The following LARGE1 variants were observed in gnomAD, a reference collection of about 807,000 sequenced individuals.
LARGE1 encodes LARGE xylosyl- and glucuronyltransferase 1.
A neutral mutation model predicts 87.6 loss-of-function variants in LARGE1; 43 were observed. That is an observed-to-expected ratio of 0.49 (90% CI 0.38 to 0.63). The LOEUF (loss-of-function observed/expected upper bound fraction) is 0.63. Ranked by LOEUF, LARGE1 falls within the 30% of genes least tolerant of loss-of-function variation. The pLI, the probability that LARGE1 is intolerant of heterozygous loss-of-function variation, is 0.00. For missense variants in LARGE1, 802 were observed against 1,000.2 expected (o/e 0.80, Z 2.67); for synonymous variants, 434 against 394.6 (o/e 1.10, Z -1.18).
intron 11 of LARGE1, among the ~76,000 whole-genome samples, chr22:33,196,776 G>A (rs765194030): frequency 6.6e-5 from 10 of 151,890 alleles, no homozygotes; most frequent in Non-Finnish European, 1.3e-4. Flanking sequence ...GAAAGAAGAA[G>A]AGGAGGAAAA....
intron 6 of LARGE1, among the ~76,000 whole-genome samples, chr22:33,551,857 G>A (rs2077529691): frequency 6.6e-6 from 1 of 152,062 alleles, no homozygotes; most frequent in Admixed American, 6.6e-5. Context: ...AGCCGGGCGT[G>A]ATGATGGGCG....
At chr22:33,067,989 A>G in the LARGE1 span, among the ~76,000 whole-genome samples, 2 of 152,034 alleles carry the variant, frequency 1.3e-5, no homozygotes, top group Admixed American at 6.6e-5. Flanking sequence ...AAAAAAAAAA[A>G]GACTTTTCTG....
At chr22:33,135,556 C>T in the LARGE1 span, among the ~76,000 whole-genome samples, 5 of 152,226 alleles carry the variant, frequency 3.3e-5, no homozygotes, top group South Asian at 4.2e-4. Flanking sequence ...AAGTGAGAAG[C>T]CGACCGGACA....
At chr22:33,509,057 T>A (rs538120460) in intron 6 of LARGE1, among the ~76,000 whole-genome samples, 3 of 152,324 alleles carry the variant, frequency 2.0e-5, no homozygotes, top group East Asian at 3.9e-4. Context: ...AACAGGTATA[T>A]CAGGCCTTAG....
At chr22:33,682,457 G>T (rs1223481552) in intron 2 of LARGE1, among the ~76,000 whole-genome samples, 4 of 152,084 alleles carry the variant, frequency 2.6e-5, no homozygotes, top group South Asian at 2.1e-4. Context: ...TTCTGCCATT[G>T]CCCCCAAATG....
chr22:33,858,585 A>G (rs2063824671), intron 1 of LARGE1, among the ~76,000 whole-genome samples: 1 of 152,218 alleles, frequency 6.6e-6, no homozygotes, highest in Non-Finnish European at 1.5e-5. Flanking sequence ...GGTGTGAGCT[A>G]AGATGCAAGC....
chr22:33,128,904 A>G, the LARGE1 span, among the ~76,000 whole-genome samples: 1 of 152,150 alleles, frequency 6.6e-6, no homozygotes. Flanking sequence ...ATGAGAACAC[A>G]TGGATACAGA....
At chr22:33,761,271 T>C (rs1329150109) in intron 2 of LARGE1, 100 bp downstream of exon 2, 2 of 943,208 alleles carry the variant, frequency 2.1e-6, no homozygotes, top group East Asian at 2.4e-5. Flanking sequence ...TGGAAATACA[T>C]ATTCCTATTA....
chr22:33,136,389 T>C, the LARGE1 span, among the ~76,000 whole-genome samples: 1 of 152,110 alleles, frequency 6.6e-6, no homozygotes, highest in Non-Finnish European at 1.5e-5. Flanking sequence ...TATAAAACCA[T>C]CAGATCTTGT....
At chr22:33,893,308 G>A (rs1035379482) in intron 1 of LARGE1, among the ~76,000 whole-genome samples, 4 of 152,158 alleles carry the variant, frequency 2.6e-5, no homozygotes, top group African/African-American at 9.7e-5. Flanking sequence ...AAATCCTGCA[G>A]TTCCTCCTGG....
intron 1 of LARGE1, among the ~76,000 whole-genome samples, chr22:33,789,846 T>C (rs1258107941): frequency 6.6e-6 from 1 of 152,202 alleles, no homozygotes; most frequent in Non-Finnish European, 1.5e-5. Context: ...GTAACTAACT[T>C]GCTTTTGATT....
At chr22:33,282,147 C>T (rs1348918208) in intron 13 of LARGE1, among the ~76,000 whole-genome samples, 1 of 152,138 alleles carries the variant, frequency 6.6e-6, no homozygotes, top group Admixed American at 6.5e-5. Context: ...GAGTTCGAGA[C>T]CAGCCTGACC....
chr22:33,471,582 A>T (rs2068843868), intron 6 of LARGE1, among the ~76,000 whole-genome samples: 1 of 152,076 alleles, frequency 6.6e-6, no homozygotes, highest in African/African-American at 2.4e-5. Flanking sequence ...CACCCAAAAT[A>T]ATGCCAATAT....
intron 7 of LARGE1, among the ~76,000 whole-genome samples, chr22:33,394,974 C>A (rs1361690761): frequency 6.6e-6 from 1 of 152,014 alleles, no homozygotes; most frequent in Non-Finnish European, 1.5e-5. Flanking sequence ...CACCTGTAAT[C>A]CCAGCACTTT....
At chr22:33,222,265 C>T (rs1441934556) in intron 11 of LARGE1, among the ~76,000 whole-genome samples, 1 of 152,102 alleles carries the variant, frequency 6.6e-6, no homozygotes, top group Non-Finnish European at 1.5e-5. Context: ...CTGAGTGCTC[C>T]AACAGGAGAG....
chr22:33,581,751 G>A (rs1326945099), intron 5 of LARGE1, among the ~76,000 whole-genome samples: 2 of 150,100 alleles, frequency 1.3e-5, no homozygotes, highest in Non-Finnish European at 2.9e-5. Flanking sequence ...GGCAGAGGTT[G>A]CAGTGAGCCG....
At chr22:33,402,134 G>GA (rs2065945182) in intron 7 of LARGE1, among the ~76,000 whole-genome samples, 1 of 152,148 alleles carries the variant, frequency 6.6e-6, no homozygotes, top group Admixed American at 6.5e-5. Flanking sequence ...ACTGAGGCTC[G>GA]GAGAGGTCAT....
chr22:33,337,693 G>A lies in LARGE1; in HGVS notation c.1240C>T (p.Arg414Trp), dbSNP rs1938632593. The A allele has an allele frequency of 1.9e-6, 3 of 1,614,080 alleles. No individual in the cohort carries two copies. Among genetic ancestry groups the A allele is most frequent in the South Asian group, 1.1e-5 (1 of 91,068 alleles). Residue 414 changes from arginine to tryptophan, a missense_variant, in exon 10 of 15, where the codon CGG (arginine) becomes TGG (tryptophan). Arg to Trp is a moderately radical substitution (Grantham distance 101, BLOSUM62 -3). Around this residue, in one of 2 missense-constraint regions of LARGE1, gnomAD observed 625 missense variants for 841.9 expected, o/e 0.74. Transcript: ENST00000397394. The part of the protein sequence containing the change: ...FLEYDGNLLR[R>W]ELFGCPSEAD... ...TCACTGGGGCAGCCAAACAGTTCCC[G>A]CCTCAGAAGATTGCCGTCATACTCC...
intron 6 of LARGE1, among the ~76,000 whole-genome samples, chr22:33,441,311 T>C (rs1244493227): frequency 6.6e-6 from 1 of 152,088 alleles, no homozygotes; most frequent in Non-Finnish European, 1.5e-5. Flanking sequence ...TGACCTCAGG[T>C]GATCCGCCCA....
Sources: allele counts gnomAD v4.1 joint callset (sites outside exome capture counted in the v4.1 genomes callset), GRCh38; gene constraint gnomAD v4.1.1; regional missense constraint gnomAD v4.1.1; transcripts MANE v1.5; gene names NCBI Gene and HGNC (gene_info 2026-07-23, HGNC 2026-07-21).